EIF4EBP1: variants seen among roughly 807,000 people sequenced by gnomAD.
EIF4EBP1 encodes eukaryotic translation initiation factor 4E-binding protein 1.
A neutral mutation model predicts 9.2 loss-of-function variants in EIF4EBP1; 5 were observed. That is an observed-to-expected ratio of 0.54 (90% CI 0.28 to 1.14). The LOEUF (loss-of-function observed/expected upper bound fraction) is 1.14. Ranked by LOEUF, EIF4EBP1 falls within the 50% of genes most tolerant of loss-of-function variation. The pLI is 0.09. For synonymous variants in EIF4EBP1, 62 were observed against 67.0 expected (o/e 0.93, Z 0.36); for missense variants, 139 against 169.6 (o/e 0.82, Z 1.00).
chr8:38,057,402 A>C, intron 2 of EIF4EBP1, 142 bp downstream of exon 2: 1 of 1,049,128 alleles, frequency 9.5e-7, no homozygotes, highest in Non-Finnish European at 1.3e-6. Context: ...CAGAGCCCAG[A>C]GGGTGAGAGT....
chr8:38,051,670 C>T (rs1809526794), intron 1 of EIF4EBP1, among the ~76,000 whole-genome samples: 1 of 152,096 alleles, frequency 6.6e-6, no homozygotes, highest in South Asian at 2.1e-4. Flanking sequence ...ACGATCTCGG[C>T]TCACTGCAAC....
chr8:38,034,787 TGG>T (rs1809276128), intron 1 of EIF4EBP1, among the ~76,000 whole-genome samples: 1 of 152,170 alleles, frequency 6.6e-6, no homozygotes, highest in Non-Finnish European at 1.5e-5. Flanking sequence ...CAGGCAGTGC[TGG>T]GAAGAAGGGG....
chr8:38,051,651 T>A (rs1010538406), intron 1 of EIF4EBP1, among the ~76,000 whole-genome samples: 1 of 152,234 alleles, frequency 6.6e-6, no homozygotes, highest in African/African-American at 2.4e-5. Flanking sequence ...CAGGCTGGAG[T>A]GCAGTGGCAC....
intron 2 of EIF4EBP1, among the ~76,000 whole-genome samples, 196 bp downstream of exon 2, chr8:38,057,456 C>T (rs1481674169): frequency 4.6e-5 from 7 of 152,156 alleles, no homozygotes; most frequent in Non-Finnish European, 8.8e-5. Context: ...AACTTTCCCC[C>T]TGAAAGGGGC....
In EIF4EBP1 at chr8:38,057,067, C is replaced by A. The variant is rs1403562053; in HGVS notation, c.146-14C>A. The A allele has an allele frequency of 8.1e-6, 13 of 1,613,900 alleles. No individual in the cohort carries two copies. In the East Asian group the frequency reaches 2.9e-4, roughly 36 times the overall value. On this transcript the variant is annotated splice_polypyrimidine_tract_variant and intron_variant, in intron 1 of 2. Transcript: ENST00000338825. ...GCTGCAGATGGCTTGACCAACCTCC[C>A]TGTTCCCTTCTAGGTACCAGGATCA...
At chr8:38,038,819 A>T (rs1206171093) in intron 1 of EIF4EBP1, among the ~76,000 whole-genome samples, 1 of 152,080 alleles carries the variant, frequency 6.6e-6, no homozygotes. Context: ...AAGCTTGTCC[A>T]ACCCGAGACC....
At chr8:38,044,542 G>A (rs1196260374) in intron 1 of EIF4EBP1, among the ~76,000 whole-genome samples, 1 of 152,170 alleles carries the variant, frequency 6.6e-6, no homozygotes, top group Non-Finnish European at 1.5e-5. Flanking sequence ...GGGCTAAAGC[G>A]ATCCTCCTGC....
intron 1 of EIF4EBP1, among the ~76,000 whole-genome samples, chr8:38,033,062 C>CT (rs765781155): frequency 0.02 from 2,561 of 125,420 alleles, 39 homozygotes; most frequent in Non-Finnish European, 0.025. Context: ...TTCTTTCTTT[C>CT]TTTTTTTTTT....
In EIF4EBP1 at chr8:38,057,146, C is replaced by A; in HGVS notation, c.211C>A (p.Pro71Thr). 6.2e-7 allele frequency: 1 copy of A among 1,614,252 alleles called. No individual in the cohort carries two copies. Residue 71 changes from proline to threonine, a missense_variant, in exon 2 of 3, where the codon CCC (proline) becomes ACC (threonine). By Grantham distance (38) the Pro-to-Thr change is conservative. Coordinates refer to ENST00000338825, the MANE Select transcript of EIF4EBP1 (RefSeq NM_004095.4). ...ECRNSPVTKT[P>T]PRDLPTIPGV... ...TCGGAACTCACCTGTGACCAAAACA[C>A]CCCCAAGGGATCTGCCCACCATTCC... is the stretch of plus-strand genomic sequence containing the variant.
chr8:38,051,788 G>T (rs1249000127), intron 1 of EIF4EBP1, among the ~76,000 whole-genome samples: 1 of 152,082 alleles, frequency 6.6e-6, no homozygotes, highest in South Asian at 2.1e-4. Context: ...ATAGAGGCGG[G>T]ATTTCGCCAT....
At chr8:38,041,469 C>T (rs529209372) in intron 1 of EIF4EBP1, among the ~76,000 whole-genome samples, 72 of 152,228 alleles carry the variant, frequency 4.7e-4, no homozygotes, top group Admixed American at 1.4e-3. Context: ...TGGTAGGAGC[C>T]ACATTTTCGA....
At position 38,058,770 on chromosome 8, in the gene EIF4EBP1, G is replaced by C. The variant is rs77519344; in HGVS notation, c.326-1134G>C. Among the ~76,000 whole-genome samples, 370 of 152,302 alleles carry C rather than the reference G, an allele frequency of 2.4e-3. 2 individuals are homozygous for C. Among genetic ancestry groups the C allele is most frequent in the African/African-American group, 8.5e-3 (354 of 41,570 alleles). ...AGTTATCTACTTTCAAAAAATAGGG[G>C]CTGTCCCTGGCCCCTAAAAACATCA... On this transcript the variant is annotated intron_variant, in intron 2 of 2. Coordinates refer to ENST00000338825, the MANE Select transcript of EIF4EBP1 (RefSeq NM_004095.4).
intron 1 of EIF4EBP1, among the ~76,000 whole-genome samples, chr8:38,053,053 C>T (rs1809547341): frequency 6.6e-6 from 1 of 151,832 alleles, no homozygotes; most frequent in South Asian, 2.1e-4. Flanking sequence ...CTTGCTTGCT[C>T]TGTTGCCCAG....
chr8:38,057,411 G>T, intron 2 of EIF4EBP1, 151 bp downstream of exon 2: 10 of 986,278 alleles, frequency 1.0e-5, no homozygotes, highest in Non-Finnish European at 1.4e-5. Flanking sequence ...GAGGGTGAGA[G>T]TAGGGGTGGG....
At chr8:38,050,750 T>A (rs1439906374) in intron 1 of EIF4EBP1, among the ~76,000 whole-genome samples, 1 of 152,020 alleles carries the variant, frequency 6.6e-6, no homozygotes, top group Non-Finnish European at 1.5e-5. Context: ...AGTGTTGGGA[T>A]TACTTACAGG....
chr8:38,056,637 C>A (rs997378213), intron 1 of EIF4EBP1, among the ~76,000 whole-genome samples: 62 of 150,244 alleles, frequency 4.1e-4, no homozygotes, highest in African/African-American at 1.4e-3. Flanking sequence ...GGCAGCCAGG[C>A]CCCCAAATAA....
chr8:38,052,763 G>A (rs1413667379), intron 1 of EIF4EBP1, among the ~76,000 whole-genome samples: 2 of 151,396 alleles, frequency 1.3e-5, no homozygotes, highest in African/African-American at 4.9e-5. Flanking sequence ...ATGTTGCCCA[G>A]GCTGGTCTCA....
chr8:38,030,816 T>G (rs1243078144), intron 1 of EIF4EBP1, 98 bp downstream of exon 1: 35 of 1,357,020 alleles, frequency 2.6e-5, no homozygotes, highest in Non-Finnish European at 3.2e-5. Flanking sequence ...AAGGGCGCCG[T>G]GATTGGAAAG....
chr8:38,048,413 A>G (rs1382043070), intron 1 of EIF4EBP1, among the ~76,000 whole-genome samples: 1 of 152,140 alleles, frequency 6.6e-6, no homozygotes, highest in South Asian at 2.1e-4. Flanking sequence ...AGAGTTAATA[A>G]TTGCTTTGTT....
Sources: allele counts gnomAD v4.1 joint callset (sites outside exome capture counted in the v4.1 genomes callset), GRCh38; gene constraint gnomAD v4.1.1; transcripts MANE v1.5; gene names NCBI Gene and HGNC (gene_info 2026-07-23, HGNC 2026-07-21).